Variants in NBEAL1 observed in about 807,000 individuals in gnomAD.
NBEAL1 encodes neurobeachin-like protein 1.
A neutral mutation model predicts 351.3 loss-of-function variants in NBEAL1; 273 were observed. The observed-to-expected ratio is 0.78, with a 90% CI of 0.70 to 0.86. The LOEUF (loss-of-function observed/expected upper bound fraction) is 0.86, where lower values mean the gene tolerates loss of function less well. Among genes scored for constraint, NBEAL1 ranks in the 40% least tolerant of loss-of-function variants. The pLI is 0.00. For synonymous variants in NBEAL1, 1,050 were observed against 1,086.4 expected (o/e 0.97, Z 0.66); for missense variants, 2,961 against 3,201.3 (o/e 0.92, Z 1.81).
intron 37 of NBEAL1, 85 bp downstream of exon 37, chr2:203,166,382 T>A: frequency 7.8e-7 from 1 of 1,279,332 alleles, no homozygotes; most frequent in Non-Finnish European, 1.1e-6. Context: ...AAGAAAGCAG[T>A]AAGATATAAC....
intron 6 of NBEAL1, among the ~76,000 whole-genome samples, chr2:203,060,874 T>G (rs569550987): frequency 6.6e-6 from 1 of 152,234 alleles, no homozygotes. Flanking sequence ...TTCTGTATTT[T>G]CCAGACCACT....
At chr2:203,152,173 G>A (rs1182642507) in intron 35 of NBEAL1, among the ~76,000 whole-genome samples, 2 of 151,332 alleles carry the variant, frequency 1.3e-5, no homozygotes, top group Non-Finnish European at 2.9e-5. Context: ...GGCCAGGCTG[G>A]TCTCCAACTC....
intron 2 of NBEAL1, among the ~76,000 whole-genome samples, chr2:203,028,397 A>G (rs1261610796): frequency 6.6e-6 from 1 of 152,032 alleles, no homozygotes; most frequent in Non-Finnish European, 1.5e-5. Context: ...TTTAATTAAG[A>G]TATATAACTT....
chr2:203,106,350 G>C (rs915639764), intron 12 of NBEAL1, among the ~76,000 whole-genome samples: 1 of 152,066 alleles, frequency 6.6e-6, no homozygotes, highest in Non-Finnish European at 1.5e-5. Flanking sequence ...AGATTACATT[G>C]GTTTGTGTTA....
intron 49 of NBEAL1, among the ~76,000 whole-genome samples, chr2:203,200,794 T>C (rs995747707): frequency 2.0e-5 from 3 of 152,266 alleles, no homozygotes; most frequent in African/African-American, 7.2e-5. Flanking sequence ...ATAATTGTTA[T>C]CACTGTATCT....
chr2:203,140,027 G>A (rs776626987), intron 31 of NBEAL1, among the ~76,000 whole-genome samples: 1 of 152,150 alleles, frequency 6.6e-6, no homozygotes, highest in South Asian at 2.1e-4. Flanking sequence ...GCGGCTGGGC[G>A]TGGTGGCTCA....
At chr2:203,049,747 T>C (rs780982120) in intron 3 of NBEAL1, 67 bp from the exon 4 acceptor site, 67 of 1,384,730 alleles carry the variant, frequency 4.8e-5, no homozygotes, top group Non-Finnish European at 5.8e-5. Context: ...ATGAAGTTCA[T>C]TTAAATGCCA....
rs779559347 is a variant in NBEAL1 at position 203,209,147 on chromosome 2, T to C, written c.7624-14T>C. 19 of 1,596,012 alleles carry C rather than the reference T, an allele frequency of 1.2e-5. No homozygotes were observed. Among genetic ancestry groups the C allele is most frequent in the Middle Eastern group, 1.7e-4 (1 of 6,028 alleles). ...CCTTTGTCTTTTTCATTTTCTGATA[T>C]ATCCTGTGTGTAGGATGGAACGGTG... On this transcript the variant is annotated splice_polypyrimidine_tract_variant and intron_variant, in intron 52 of 55. Transcript: ENST00000683969.
chr2:203,217,466 A>G lies in NBEAL1; in HGVS notation c.*112A>G, dbSNP rs900732953. The G allele has an allele frequency of 2.6e-5, 34 of 1,330,772 alleles. No homozygotes were observed. The highest frequency in any genetic ancestry group is 2.9e-5 in the Non-Finnish European group (30 of 1,036,470). 82.4% of individuals were successfully genotyped at this position (1,330,772 alleles called of 1,614,324 possible). ...TGCAAGGCTTTTATCCCTGAAAATC[A>G]TTTACAGATAACCACAATTTGCTGT... On this transcript the variant is annotated 3_prime_UTR_variant, in exon 56 of 56. Coordinates refer to ENST00000683969, the MANE Select transcript of NBEAL1 (RefSeq NM_001378026.1).
chr2:203,157,841 TA>T lies in NBEAL1; in HGVS notation c.5714+20del. The T allele has an allele frequency of 1.3e-6, 2 of 1,489,370 alleles. No homozygotes were observed. The highest frequency in any genetic ancestry group is 1.4e-5 in the South Asian group (1 of 70,500). 92.3% of individuals were successfully genotyped at this position (1,489,370 alleles called of 1,614,324 possible). A position where few individuals can be genotyped will look rare whatever the true frequency, so the allele number is the denominator to read the frequency against. On this transcript the variant is annotated intron_variant, in intron 36 of 55. Transcript: ENST00000683969. ...GAGTAAATGTGTATGTATAAATATT[TA>T]AAATTATTTTGTTCTGAGAAAGGGG...
At position 203,131,969 on chromosome 2, in the gene NBEAL1, C is replaced by G; in HGVS notation, c.3565-4C>G. ...ATTGAGAATATATTACTTGTCGTGA[C>G]CAGATTATGGAACAAATGTTGAAAT... is the stretch of plus-strand genomic sequence containing the variant. On this transcript the variant is annotated splice_region_variant and splice_polypyrimidine_tract_variant and intron_variant, in intron 25 of 55. Transcript: ENST00000683969. 1 of 1,522,814 alleles carries G rather than the reference C, an allele frequency of 6.6e-7. No individual in the cohort carries two copies. Among genetic ancestry groups the G allele is most frequent in the South Asian group, 1.3e-5 (1 of 77,522 alleles). 94.3% of individuals were successfully genotyped at this position (1,522,814 alleles called of 1,614,324 possible).
chr2:203,077,686 CT>C, intron 7 of NBEAL1, 65 bp from the exon 8 acceptor site: 2 of 967,686 alleles, frequency 2.1e-6, no homozygotes, highest in African/African-American at 1.7e-5. Context: ...TCAGACATTC[CT>C]TAGAGATAAA....
chr2:203,117,161 G>A (rs1681813506), intron 18 of NBEAL1, among the ~76,000 whole-genome samples: 1 of 151,136 alleles, frequency 6.6e-6, no homozygotes, highest in African/African-American at 2.4e-5. Flanking sequence ...ACTAGAAAAA[G>A]ATATACAAAA....
chr2:203,064,369 A>G (rs912656410), intron 6 of NBEAL1, among the ~76,000 whole-genome samples: 3 of 152,126 alleles, frequency 2.0e-5, no homozygotes, highest in Non-Finnish European at 4.4e-5. Flanking sequence ...ATGGTTTTAA[A>G]ATGTCTCCCC....
chr2:203,028,789 AT>A (rs1212242434), intron 2 of NBEAL1, among the ~76,000 whole-genome samples: 2 of 151,618 alleles, frequency 1.3e-5, no homozygotes, highest in East Asian at 1.9e-4. Flanking sequence ...ATATTTTCCT[AT>A]TTTTTTATTT....
At chr2:203,084,742 G>A (rs2061932997) in intron 10 of NBEAL1, 173 bp downstream of exon 10, 2 of 429,264 alleles carry the variant, frequency 4.7e-6, no homozygotes, top group South Asian at 4.9e-5. Context: ...ACTTGTAATT[G>A]TCTAAATACT....
chr2:203,054,292 G>A (rs2061371509), intron 4 of NBEAL1, among the ~76,000 whole-genome samples: 1 of 152,048 alleles, frequency 6.6e-6, no homozygotes, highest in African/African-American at 2.4e-5. Flanking sequence ...TGGGAATGGT[G>A]CCACATGCTT....
At position 203,058,174 on chromosome 2, in the gene NBEAL1, C is replaced by A. The variant is rs1460090440; in HGVS notation, c.515+721C>A. 3.9e-5 allele frequency among the ~76,000 whole-genome samples: 6 copies of A among 152,006 alleles called. No homozygotes were observed. In the East Asian group the frequency reaches 1.2e-3, roughly 29 times the overall value. On this transcript the variant is annotated intron_variant, in intron 6 of 55. Coordinates refer to ENST00000683969, the MANE Select transcript of NBEAL1 (RefSeq NM_001378026.1). The stretch of plus-strand genomic sequence containing the variant: ...CTGTAGAGCTTCTGTCATCAGGATC[C>A]CATAAGGAAAACATAAACGAGACTA...
At chr2:203,036,370 T>C (rs2061040496) in intron 2 of NBEAL1, among the ~76,000 whole-genome samples, 1 of 149,140 alleles carries the variant, frequency 6.7e-6, no homozygotes, top group Admixed American at 6.7e-5. Context: ...GCTCCTCTTT[T>C]CCTCTTTTTG....
Sources: allele counts gnomAD v4.1 joint callset (sites outside exome capture counted in the v4.1 genomes callset), GRCh38; gene constraint gnomAD v4.1.1; transcripts MANE v1.5; gene names NCBI Gene and HGNC (gene_info 2026-07-23, HGNC 2026-07-21).